Variants in NRG1 observed in about 807,000 individuals in gnomAD.
NRG1 encodes the protein neuregulin 1.
Under a neutral mutation model 63.8 loss-of-function variants are expected in NRG1, and 18 were observed. The observed-to-expected ratio is 0.28, with a 90% confidence interval of 0.19 to 0.42. NRG1 has a LOEUF of 0.42. NRG1 is among the 10% of genes least tolerant of loss of function. The pLI is 1.00. For missense variants in NRG1, 762 were observed against 814.7 expected (o/e 0.94, Z 0.79); for synonymous variants, 302 against 301.3 (o/e 1.00, Z -0.02).
At chr8:32,169,239 T>C (rs1172260356) in intron 1 of NRG1, among the ~76,000 whole-genome samples, 1 of 152,176 alleles carries the variant, frequency 6.6e-6, no homozygotes, top group Non-Finnish European at 1.5e-5. Flanking sequence ...TTCTTAGACA[T>C]CCTGCTTTCT....
intron 1 of NRG1, among the ~76,000 whole-genome samples, chr8:31,817,973 A>G (rs1422833451): frequency 1.3e-5 from 2 of 152,210 alleles, no homozygotes; most frequent in African/African-American, 2.4e-5. Flanking sequence ...ATTCTTCTAC[A>G]TGTAAGGTTG....
intron 1 of NRG1, among the ~76,000 whole-genome samples, chr8:32,127,437 C>T (rs1276056720): frequency 6.6e-6 from 1 of 151,754 alleles, no homozygotes; most frequent in Non-Finnish European, 1.5e-5. Flanking sequence ...AAAGAAAATA[C>T]TCACAAATAG....
At chr8:32,705,050 G>T (rs980737814) in intron 5 of NRG1, among the ~76,000 whole-genome samples, 1 of 152,020 alleles carries the variant, frequency 6.6e-6, no homozygotes. Context: ...ATGCTCTTTG[G>T]TAGCCACTTG....
chr8:32,151,196 T>G (rs1262314063), intron 1 of NRG1, among the ~76,000 whole-genome samples: 1 of 152,056 alleles, frequency 6.6e-6, no homozygotes, highest in African/African-American at 2.4e-5. Flanking sequence ...CCCAGAGAGA[T>G]TCCCAGGAAT....
intron 5 of NRG1, chr8:32,647,292 C>T (rs1588954697): frequency 1.0e-6 from 1 of 985,422 alleles, no homozygotes; most frequent in East Asian, 1.1e-4. Flanking sequence ...GCTTTTACTT[C>T]TCCTGCATGA....
intron 1 of NRG1, among the ~76,000 whole-genome samples, chr8:31,877,503 AATAG>A: frequency 6.6e-6 from 1 of 151,904 alleles, no homozygotes; most frequent in African/African-American, 2.4e-5. Context: ...GTGTGTATGA[AATAG>A]ATAATATATA....
chr8:31,896,422 C>T (rs772604523), intron 1 of NRG1, among the ~76,000 whole-genome samples: 7 of 152,196 alleles, frequency 4.6e-5, no homozygotes, highest in African/African-American at 7.2e-5. Context: ...GCACCATTCT[C>T]ATCCATGTTT....
intron 1 of NRG1, among the ~76,000 whole-genome samples, chr8:32,555,597 G>A (rs1323584544): frequency 6.6e-6 from 1 of 152,010 alleles, no homozygotes. Flanking sequence ...TCAGCCTCCC[G>A]AGTAGCTGGG....
chr8:32,014,191 G>A (rs1586478092), intron 1 of NRG1, among the ~76,000 whole-genome samples: 3 of 152,078 alleles, frequency 2.0e-5, no homozygotes. Context: ...ATGAGCATGG[G>A]ATGTTTTTCC....
rs188938462 is a variant in NRG1 at position 31,957,320 on chromosome 8, A to G, written c.37+317889A>G. ...TGCACTAACTTGCTTTCATATAGTT[A>G]CCTGTACATGCCACATTTCATGATT... On this transcript the variant is annotated intron_variant, in intron 1 of 10. Coordinates refer to the NRG1 transcript ENST00000519301. Among the ~76,000 whole-genome samples, 4 of 152,080 alleles carry G rather than the reference A, an allele frequency of 2.6e-5. No individual in the cohort carries two copies. In the East Asian group the frequency reaches 7.8e-4, roughly 29 times the overall value.
Position 32,509,995 on chromosome 8 carries a change from GT to G in NRG1, c.38-85829del, listed in dbSNP as rs1828970630. 3.3e-5 allele frequency among the ~76,000 whole-genome samples: 5 copies of G among 151,654 alleles called. 2 individuals carry two copies. Among genetic ancestry groups the G allele is most frequent in the Admixed American group, 3.3e-4 (5 of 15,222 alleles). ...CTAGTTTTTGGAATTTTTTTTGCTT[GT>G]TTTCCCCCTAAAATTTAGCTCCAAA... On this transcript the variant is annotated intron_variant, in intron 1 of 10. Transcript: ENST00000519301.
Position 32,645,388 on chromosome 8 carries a change from T to C in NRG1, c.502+28503T>C, listed in dbSNP as rs576165542. Among the ~76,000 whole-genome samples the C allele has an allele frequency of 3.9e-5, 6 of 152,372 alleles. 1 individual carries two copies. The highest frequency in any genetic ancestry group is 1.2e-4 in the African/African-American group (5 of 41,588). ...ACTCATGTTGCTCATAAACTTGTCA[T>C]AGTCATGGTTACATTTATGCAAATT... On this transcript the variant is annotated intron_variant, in intron 5 of 11. Transcript: ENST00000356819.
At chr8:32,015,861 T>G (rs1483178780) in intron 1 of NRG1, among the ~76,000 whole-genome samples, 2 of 152,054 alleles carry the variant, frequency 1.3e-5, no homozygotes, top group Admixed American at 6.6e-5. Flanking sequence ...TTTGTTTTTT[T>G]TTTTATTCTG....
At chr8:31,922,009 C>T (rs1466444666) in intron 1 of NRG1, among the ~76,000 whole-genome samples, 1 of 151,994 alleles carries the variant, frequency 6.6e-6, no homozygotes, top group Non-Finnish European at 1.5e-5. Flanking sequence ...TTACTATTTC[C>T]TAAGTGATTC....
chr8:32,524,496 A>AT (rs35801670), intron 1 of NRG1, among the ~76,000 whole-genome samples: 83,421 of 149,844 alleles, frequency 0.56, 23,436 homozygotes, highest in East Asian at 0.78. Context: ...TTCCTTAAAG[A>AT]TTTTTTTTTT....
At chr8:32,025,151 T>TAATTAATCTACATTCCTATTTTTCAG in intron 1 of NRG1, among the ~76,000 whole-genome samples, 1 of 152,192 alleles carries the variant, frequency 6.6e-6, no homozygotes, top group Non-Finnish European at 1.5e-5. Flanking sequence ...GGTTAAAATG[T>TAATTAATCTACATTCCTATTTTTCAG]AATTAATCTA....
At chr8:32,348,808 C>T (rs1805231298) in intron 1 of NRG1, among the ~76,000 whole-genome samples, 1 of 152,182 alleles carries the variant, frequency 6.6e-6, no homozygotes, top group Admixed American at 6.5e-5. Flanking sequence ...TGAAAAGTTA[C>T]CTTTTAAACA....
intron 1 of NRG1, among the ~76,000 whole-genome samples, chr8:32,468,924 G>A (rs558887582): frequency 1.4e-4 from 21 of 152,192 alleles, no homozygotes; most frequent in Non-Finnish European, 2.8e-4. Context: ...TTATTCATTC[G>A]ATAGATATCT....
intron 1 of NRG1, among the ~76,000 whole-genome samples, chr8:32,461,254 G>T (rs1455986105): frequency 6.6e-6 from 1 of 152,032 alleles, no homozygotes; most frequent in Non-Finnish European, 1.5e-5. Flanking sequence ...ATGAAAGACT[G>T]GTTTGCAAAG....
Sources: allele counts gnomAD v4.1 joint callset (sites outside exome capture counted in the v4.1 genomes callset), GRCh38; gene constraint gnomAD v4.1.1; transcripts MANE v1.5; gene names NCBI Gene and HGNC (gene_info 2026-07-23, HGNC 2026-07-21).